ARHGAP6: variants seen among roughly 807,000 people sequenced by gnomAD.
ARHGAP6 encodes the protein Rho GTPase activating protein 6.
In ARHGAP6, 16 loss-of-function variants were observed where a neutral mutation model predicts 55.7. That is an observed-to-expected ratio of 0.29 (90% CI 0.19 to 0.44). ARHGAP6 has a LOEUF of 0.44. Among genes scored for constraint, ARHGAP6 ranks in the 20% least tolerant of loss-of-function variants. The pLI is 1.00. For synonymous variants in ARHGAP6, 382 were observed against 360.9 expected (o/e 1.06, Z -0.66); for missense variants, 698 against 808.9 (o/e 0.86, Z 1.66).
At chrX:11,432,323 T>G (rs1463704745) in intron 1 of ARHGAP6, among the ~76,000 whole-genome samples, 1 of 112,736 alleles carries the variant, frequency 8.9e-6, no homozygotes, top group Non-Finnish European at 1.9e-5. Context: ...CCATTATATG[T>G]GTTTATTACT....
At chrX:11,555,427 C>T (rs2051311037) in intron 1 of ARHGAP6, among the ~76,000 whole-genome samples, 1 of 111,234 alleles carries the variant, frequency 9.0e-6, no homozygotes, top group Non-Finnish European at 1.9e-5. Context: ...GAGAAGCGGA[C>T]ATTTAAGCAG....
intron 1 of ARHGAP6, among the ~76,000 whole-genome samples, chrX:11,429,720 C>T (rs1266052609): frequency 9.0e-6 from 1 of 111,440 alleles, no homozygotes; most frequent in African/African-American, 3.3e-5. Context: ...TGCTCTGTGA[C>T]ATGTCCAGGC....
intron 1 of ARHGAP6, among the ~76,000 whole-genome samples, chrX:11,509,382 T>C (rs1374605742): frequency 8.9e-6 from 1 of 111,984 alleles, no homozygotes; most frequent in Non-Finnish European, 1.9e-5. Flanking sequence ...AGCCTATATA[T>C]AGAAGACAGA....
At chrX:11,324,174 T>C (rs1333027699) in intron 1 of ARHGAP6, among the ~76,000 whole-genome samples, 1 of 112,089 alleles carries the variant, frequency 8.9e-6, no homozygotes, top group African/African-American at 3.2e-5. Flanking sequence ...TTTTCACAAG[T>C]GGGACCAAGA....
chrX:11,587,672 G>A (rs6654942), intron 1 of ARHGAP6, among the ~76,000 whole-genome samples: 29,941 of 111,487 alleles, frequency 0.27, 3,068 homozygotes, highest in Middle Eastern at 0.39. Flanking sequence ...AGATTGAGCT[G>A]TGCTGCTCCC....
At chrX:11,190,962 G>C (rs1015476664) in intron 3 of ARHGAP6, among the ~76,000 whole-genome samples, 2 of 112,564 alleles carry the variant, frequency 1.8e-5, no homozygotes, top group Non-Finnish European at 3.8e-5. Context: ...ATGTAGGTGT[G>C]ACTTGGCATC....
intron 1 of ARHGAP6, among the ~76,000 whole-genome samples, chrX:11,472,267 C>G (rs1396389474): frequency 9.0e-6 from 1 of 111,389 alleles, no homozygotes; most frequent in Non-Finnish European, 1.9e-5. Context: ...CTCCAGATCG[C>G]CAAATTTGCC....
chrX:11,166,480 T>C (rs1215427620), intron 9 of ARHGAP6, among the ~76,000 whole-genome samples: 1 of 112,231 alleles, frequency 8.9e-6, no homozygotes, highest in African/African-American at 3.2e-5. Context: ...CTTCTTTGTT[T>C]GGAATTATAA....
At chrX:11,229,814 C>T (rs998385132) in intron 2 of ARHGAP6, among the ~76,000 whole-genome samples, 5 of 111,043 alleles carry the variant, frequency 4.5e-5, no homozygotes, top group Admixed American at 3.8e-4. Flanking sequence ...TTTAATTGGC[C>T]CCTATATACC....
chrX:11,228,526 T>C (rs766827345), intron 2 of ARHGAP6, among the ~76,000 whole-genome samples: 1 of 111,820 alleles, frequency 8.9e-6, no homozygotes, highest in South Asian at 3.7e-4. Flanking sequence ...TGGAAGAGTA[T>C]AATGAAAGCC....
chrX:11,627,572 T>C (rs1280967234), intron 1 of ARHGAP6, among the ~76,000 whole-genome samples: 1 of 111,408 alleles, frequency 9.0e-6, no homozygotes, highest in African/African-American at 3.3e-5. Context: ...AATACACAGG[T>C]CACAATAAAT....
intron 1 of ARHGAP6, among the ~76,000 whole-genome samples, chrX:11,445,009 C>T (rs1018081049): frequency 2.7e-5 from 3 of 112,385 alleles, no homozygotes; most frequent in Non-Finnish European, 3.8e-5. Flanking sequence ...AAGCACTTTT[C>T]CAAGCAGGAA....
intron 1 of ARHGAP6, among the ~76,000 whole-genome samples, chrX:11,575,747 G>C (rs1338379405): frequency 4.5e-5 from 5 of 112,108 alleles, no homozygotes; most frequent in African/African-American, 1.6e-4. Flanking sequence ...AAAGCAACAA[G>C]GATTCCAGAA....
At chrX:11,408,252 G>A (rs2049634340) in intron 1 of ARHGAP6, among the ~76,000 whole-genome samples, 1 of 110,995 alleles carries the variant, frequency 9.0e-6, no homozygotes, top group Admixed American at 9.6e-5. Flanking sequence ...GGAGGGGGAA[G>A]CGGAATGGAA....
chrX:11,277,251 A>C (rs2047784902), intron 1 of ARHGAP6, among the ~76,000 whole-genome samples: 1 of 111,811 alleles, frequency 8.9e-6, no homozygotes, highest in African/African-American at 3.3e-5. Context: ...CTGTATAGAT[A>C]TACTAAATTT....
intron 1 of ARHGAP6, among the ~76,000 whole-genome samples, chrX:11,560,834 G>A (rs1048278010): frequency 2.7e-5 from 3 of 111,698 alleles, no homozygotes; most frequent in African/African-American, 9.8e-5. Context: ...ATCTTTTACT[G>A]TTTAGCATTC....
intron 2 of ARHGAP6, among the ~76,000 whole-genome samples, chrX:11,224,992 T>C (rs1425958018): frequency 9.0e-6 from 1 of 111,589 alleles, no homozygotes; most frequent in Admixed American, 9.6e-5. Flanking sequence ...GCCTTATCTA[T>C]GAAAGGAGAC....
intron 1 of ARHGAP6, among the ~76,000 whole-genome samples, chrX:11,419,271 T>C (rs2049791041): frequency 8.9e-6 from 1 of 112,222 alleles, no homozygotes. Flanking sequence ...TGTCAACACA[T>C]TGGCGTAGTT....
intron 1 of ARHGAP6, among the ~76,000 whole-genome samples, chrX:11,515,950 C>CA (rs1407666793): frequency 1.2e-4 from 13 of 112,569 alleles, no homozygotes; most frequent in African/African-American, 3.9e-4. Context: ...GTTTCACCCC[C>CA]AAACGTGATA....
Sources: allele counts gnomAD v4.1 joint callset (sites outside exome capture counted in the v4.1 genomes callset), GRCh38; gene constraint gnomAD v4.1.1; transcripts MANE v1.5; gene names NCBI Gene and HGNC (gene_info 2026-07-23, HGNC 2026-07-21).